The following OR56A4 variants were observed in gnomAD, a reference collection of about 807,000 sequenced individuals.
The protein encoded by OR56A4 is olfactory receptor family 56 subfamily A member 4.
In OR56A4, 9 loss-of-function variants were observed where a neutral mutation model predicts 13.6. That is an observed-to-expected ratio of 0.66 (90% confidence interval 0.40 to 1.15). The LOEUF (loss-of-function observed/expected upper bound fraction) is 1.15, where lower values mean the gene tolerates loss of function less well. OR56A4 is among the 50% of genes most tolerant of loss of function. The pLI, the probability that OR56A4 is intolerant of heterozygous loss-of-function variation, is 0.01. For synonymous variants in OR56A4, 167 were observed against 153.9 expected, an observed-to-expected ratio of 1.08 and a Z score of -0.63; for missense variants, 380 against 375.9, an observed-to-expected ratio of 1.01 and a Z score of -0.09.
In OR56A4 at chr11:6,002,393, G is replaced by C. The variant is rs769807170; in HGVS notation, c.600C>G (p.Leu200=). Reference sequence around the variant, plus strand: ...GAGTCCAGCCTGCCACAAACTGGTAGAGCTGATTGAAAGTGATGTCATCAC... The same window carrying C: ...GAGTCCAGCCTGCCACAAACTGGTACAGCTGATTGAAAGTGATGTCATCAC... ...LSCDDITFNQ[L]YQFVAGWTLL... is the part of the protein sequence containing the mutation. Residue 200 remains leucine (L), a synonymous_variant, in exon 3 of 3, where the codon CTC becomes CTG. Coordinates refer to ENST00000641156, the MANE Select transcript of OR56A4 (RefSeq NM_001005179.4). 6.2e-7 allele frequency: 1 copy of C among 1,614,252 alleles called. No homozygotes were observed. The highest frequency in any genetic ancestry group is 1.1e-5 in the South Asian group (1 of 91,090).
chr11:6,006,019 A>G (rs1848255866), intron 2 of OR56A4, among the ~76,000 whole-genome samples: 1 of 152,218 alleles, frequency 6.6e-6, no homozygotes, highest in African/African-American at 2.4e-5. Flanking sequence ...TAAGATCTGA[A>G]CAAAAGTAAT....
At chr11:6,005,194 G>A (rs911999670) in intron 2 of OR56A4, among the ~76,000 whole-genome samples, 6 of 152,250 alleles carry the variant, frequency 3.9e-5, no homozygotes, top group East Asian at 1.9e-4. Context: ...TGTGGGAGGG[G>A]AAAGGGGCTG....
Position 6,002,061 on chromosome 11 carries a change from T to C in OR56A4, c.932A>G (p.Lys311Arg), listed in dbSNP as rs550857926. The part of the protein sequence containing the change: ...EIKQGIQNLL[K>R]RL The stretch of plus-strand genomic sequence containing the variant: ...TAATCCTTTTTATTCTTACAACCTC[T>C]TCAGCAGGTTTTGGATTCCCTGCTT... Residue 311 changes from lysine to arginine, a missense_variant, in exon 3 of 3, where the codon AAG becomes AGG. Lys to Arg is a conservative substitution (Grantham distance 26). Transcript: ENST00000641156. 33 of 1,585,284 alleles carry C rather than the reference T, an allele frequency of 2.1e-5. No individual in the cohort carries two copies. The Admixed American group carries it at 5.5e-4, about 26-fold the overall frequency.
Position 6,002,349 on chromosome 11 carries a change from A to G in OR56A4, c.644T>C (p.Ile215Thr), listed in dbSNP as rs1411845412. The G allele has an allele frequency of 1.2e-6, 2 of 1,614,052 alleles. No homozygotes were observed. The highest frequency in any genetic ancestry group is 3.3e-5 in the Admixed American group (2 of 59,998). Residue 215 changes from isoleucine (I) to threonine (T), a missense_variant, in exon 3 of 3, where the codon ATC becomes ACC. Physicochemically the swap from Ile to Thr is moderately conservative, Grantham distance 89. Transcript: ENST00000641156. The part of the protein sequence containing the change: ...AGWTLLGSDL[I>T]LIVISYSFIL... ...AAAAGAATAGGAGATAACAATAAGGATAAGATCAGAGCCCAACAGAGTCCA... is the reference window on the plus strand; with the variant it reads ...AAAAGAATAGGAGATAACAATAAGGGTAAGATCAGAGCCCAACAGAGTCCA...
At chr11:6,005,370 T>G (rs1302801597) in intron 2 of OR56A4, among the ~76,000 whole-genome samples, 2 of 152,132 alleles carry the variant, frequency 1.3e-5, no homozygotes, top group Non-Finnish European at 2.9e-5. Context: ...GACTAGTAAT[T>G]AGGCATTAGG....
Position 6,002,532 on chromosome 11 carries a change from C to G in OR56A4, c.461G>C (p.Arg154Pro), listed in dbSNP as rs17809527. 3.1e-6 allele frequency: 5 copies of G among 1,614,046 alleles called. No individual in the cohort carries two copies. The African/African-American group carries it at 6.7e-5, about 22-fold the overall frequency. The change falls in exon 3 of 3, where the codon CGG (arginine) becomes CCG (proline). Residue 154 changes from arginine to proline, a missense_variant. Transcript: ENST00000641156. ...AACAGGAAGAGAAACAAAGGCATTC[C>G]GGGCTATAACAAAGACCACGGCCCT... Reference protein sequence around the residue: ...VARAVVFVIARNAFVSLPVPM... With the variant: ...VARAVVFVIAPNAFVSLPVPM...
rs1848202216 is a variant in OR56A4, at chr11:5,999,884, G to C, written c.*2167C>G. ...CAGCCACACAAGATGCAAGAATAAT[G>C]ATTCCAGTCGGGAGGATCAGGGAAG... On this transcript the variant is annotated 3_prime_UTR_variant, in exon 3 of 3. Coordinates refer to ENST00000641156, the MANE Select transcript of OR56A4 (RefSeq NM_001005179.4). 6.6e-6 allele frequency: 1 copy of C among 152,242 alleles called. No homozygotes were observed. The highest frequency in any genetic ancestry group is 1.5e-5 in the Non-Finnish European group (1 of 68,046). The allele number at this position is 152,242 out of a possible 1,614,324, so 9.4% of individuals were successfully genotyped here. A position where few individuals can be genotyped will look rare whatever the true frequency, so the allele number is the denominator to read the frequency against.
intron 2 of OR56A4, among the ~76,000 whole-genome samples, chr11:6,004,790 G>C (rs968961017): frequency 6.6e-5 from 10 of 152,110 alleles, no homozygotes; most frequent in Non-Finnish European, 7.4e-5. Flanking sequence ...ATAATCTCAA[G>C]TATAGCTACT....
chr11:6,004,977 C>T (rs1848246653), intron 2 of OR56A4, among the ~76,000 whole-genome samples: 1 of 152,104 alleles, frequency 6.6e-6, no homozygotes, highest in Non-Finnish European at 1.5e-5. Context: ...ACAGTTGTGG[C>T]TCTAATAATG....
chr11:6,002,454 C>A lies in OR56A4; in HGVS notation c.539G>T (p.Cys180Phe). 3 of 1,614,238 alleles carry A rather than the reference C, an allele frequency of 1.9e-6. No individual in the cohort carries two copies. The highest frequency in any genetic ancestry group is 2.5e-6 in the Non-Finnish European group (3 of 1,180,040). Residue 180 changes from cysteine to phenylalanine, a missense_variant, in exon 3 of 3, where the codon TGC becomes TTC. Coordinates refer to ENST00000641156, the MANE Select transcript of OR56A4 (RefSeq NM_001005179.4). ...GGACACAGACAGGTTACTGCAGATG[C>A]AGTTCTTGATTATGTTTCCTGCACA... The part of the protein sequence containing the change: ...RYCAGNIIKN[C>F]ICSNLSVSKL...
chr11:6,001,298 T>A lies in OR56A4; in HGVS notation c.*753A>T, dbSNP rs1191808974. 1 of 152,138 alleles carries A rather than the reference T, an allele frequency of 6.6e-6. No individual in the cohort carries two copies. The highest frequency in any genetic ancestry group is 2.4e-5 in the African/African-American group (1 of 41,390). 9.4% of individuals were successfully genotyped at this position (152,138 alleles called of 1,614,324 possible). On this transcript the variant is annotated 3_prime_UTR_variant, in exon 3 of 3. Transcript: ENST00000641156. ...GATTATAACGACATGAAGATGAAGA[T>A]GATGAAGAAAAGAACATACAGCACT...
intron 2 of OR56A4, 29 bp from the exon 3 acceptor site, chr11:6,003,057 C>A: frequency 1.2e-6 from 2 of 1,613,730 alleles, no homozygotes; most frequent in Non-Finnish European, 8.5e-7. Flanking sequence ...AGTACAGAAA[C>A]ATAAAAAGTA....
In OR56A4 at chr11:6,000,177, G is replaced by T. The variant is rs553112421; in HGVS notation, c.*1874C>A. ...ACACATGCACATGTATGTTTATTGC[G>T]GCACCATTCACAATAGCAAAGACTT... On this transcript the variant is annotated 3_prime_UTR_variant, in exon 3 of 3. Coordinates refer to ENST00000641156, the MANE Select transcript of OR56A4 (RefSeq NM_001005179.4). 6.6e-6 allele frequency: 1 copy of T among 152,242 alleles called. No homozygotes were observed. The highest frequency in any genetic ancestry group is 2.1e-4 in the South Asian group (1 of 4,820). The allele number at this position is 152,242 out of a possible 1,614,324, so 9.4% of individuals were successfully genotyped here. A position where few individuals can be genotyped will look rare whatever the true frequency, so the allele number is the denominator to read the frequency against.
chr11:6,000,685 G>T lies in OR56A4; in HGVS notation c.*1366C>A, dbSNP rs2133570373. The T allele has an allele frequency of 6.6e-6, 1 of 152,246 alleles. No homozygotes were observed. The highest frequency in any genetic ancestry group is 1.9e-4 in the East Asian group (1 of 5,186). 9.4% of individuals were successfully genotyped at this position (152,246 alleles called of 1,614,324 possible). A position where few individuals can be genotyped will look rare whatever the true frequency, so the allele number is the denominator to read the frequency against. ...CAAATGGTGATAATGGTAAAAGAAG[G>T]CTGATGTGAGAAGCATCAAATGATT... On this transcript the variant is annotated 3_prime_UTR_variant, in exon 3 of 3. Coordinates refer to ENST00000641156, the MANE Select transcript of OR56A4 (RefSeq NM_001005179.4).
chr11:6,002,522 A>G lies in OR56A4; in HGVS notation c.471T>C (p.Phe157=). Reference sequence around the variant, plus strand: ...AAAGCATGGGAACAGGAAGAGAAACAAAGGCATTCCGGGCTATAACAAAGA... The same window carrying G: ...AAAGCATGGGAACAGGAAGAGAAACGAAGGCATTCCGGGCTATAACAAAGA... ...AVVFVIARNA[F]VSLPVPMLSA... is the part of the protein sequence containing the mutation. The change falls in exon 3 of 3, where the codon TTT becomes TTC. Residue 157 remains phenylalanine (F), a synonymous_variant. Transcript: ENST00000641156. 2 of 1,614,268 alleles carry G rather than the reference A, an allele frequency of 1.2e-6. No homozygotes were observed. The highest frequency in any genetic ancestry group is 1.7e-6 in the Non-Finnish European group (2 of 1,180,050).
rs199866327 is a variant in OR56A4 at position 6,002,264 on chromosome 11, C to A, written c.729G>T (p.Thr243=). The A allele has an allele frequency of 2.5e-6, 4 of 1,614,130 alleles. No homozygotes were observed. The highest frequency in any genetic ancestry group is 2.2e-5 in the East Asian group (1 of 44,890). ...GGATGAGGATGAAGTGGGAACCACA[C>A]GTGCTCAAGGCCTTGGCCACAGCAC... is the stretch of plus-strand genomic sequence containing the variant. ...AEGAVAKALS[T]CGSHFILILF... The change falls in exon 3 of 3, where the codon ACG becomes ACT. Residue 243 remains threonine, a synonymous_variant. Transcript: ENST00000641156.
chr11:6,004,347 C>T (rs977100151), intron 2 of OR56A4, among the ~76,000 whole-genome samples: 1 of 151,798 alleles, frequency 6.6e-6, no homozygotes, highest in African/African-American at 2.4e-5. Context: ...AATGAGACTC[C>T]ATCTCAGAAA....
chr11:6,002,551 C>G lies in OR56A4; in HGVS notation c.442G>C (p.Val148Leu), dbSNP rs764719331. ...GCATTCCGGGCTATAACAAAGACCA[C>G]GGCCCTAGCCACAAACTGGTCAGTG... The part of the protein sequence containing the change: ...IITDQFVARA[V>L]VFVIARNAFV... The change falls in exon 3 of 3, where the codon GTG becomes CTG. Residue 148 changes from valine to leucine, a missense_variant. By Grantham distance (32) the Val-to-Leu change is conservative. Transcript: ENST00000641156. 1.2e-6 allele frequency: 2 copies of G among 1,614,200 alleles called. No individual in the cohort carries two copies. Among genetic ancestry groups the G allele is most frequent in the Admixed American group, 1.7e-5 (1 of 60,028 alleles).
chr11:6,006,915 C>T lies in OR56A4; in HGVS notation c.-192+3G>A, dbSNP rs1590474062. On this transcript the variant is annotated splice_donor_region_variant and intron_variant, in intron 1 of 2. Coordinates refer to ENST00000641156, the MANE Select transcript of OR56A4 (RefSeq NM_001005179.4). Reference sequence around the variant, plus strand: ...ATTTCCTTGGCCCCACCTTGAGACTCACCAAATTCAGAAGGCTGTACTGCT... The same window carrying T: ...ATTTCCTTGGCCCCACCTTGAGACTTACCAAATTCAGAAGGCTGTACTGCT... 1.3e-5 allele frequency: 2 copies of T among 152,422 alleles called. No homozygotes were observed. The highest frequency in any genetic ancestry group is 2.9e-5 in the Non-Finnish European group (2 of 68,192). The allele number at this position is 152,422 out of a possible 1,614,324, so 9.4% of individuals were successfully genotyped here.
Sources: allele counts gnomAD v4.1 joint callset (sites outside exome capture counted in the v4.1 genomes callset), GRCh38; gene constraint gnomAD v4.1.1; transcripts MANE v1.5; gene names NCBI Gene and HGNC (gene_info 2026-07-23, HGNC 2026-07-21).